ACSS3: variants seen among roughly 807,000 people sequenced by gnomAD.
ACSS3 encodes the protein acyl-CoA synthetase short chain family member 3, also known as acyl-CoA synthetase short-chain family member 3, mitochondrial.
Under a neutral mutation model 84.2 loss-of-function variants are expected in ACSS3, and 64 were observed. The observed-to-expected ratio is 0.76, with a 90% CI of 0.62 to 0.94. The LOEUF (loss-of-function observed/expected upper bound fraction) is 0.94, where lower values mean the gene tolerates loss of function less well. ACSS3 is among the 40% of genes least tolerant of loss of function. The probability of loss-of-function intolerance (pLI) is 0.00; values close to 1 mark genes in which losing one functional copy is unlikely to be tolerated. For synonymous variants in ACSS3, 317 were observed against 310.1 expected (o/e 1.02, Z -0.23); for missense variants, 815 against 867.6 (o/e 0.94, Z 0.76).
intron 8 of ACSS3, among the ~76,000 whole-genome samples, chr12:81,187,766 G>A (rs1362673315): frequency 6.6e-6 from 1 of 151,816 alleles, no homozygotes; most frequent in Admixed American, 6.6e-5. Context: ...TATCCCTCTG[G>A]TGCTTAGAAT....
At chr12:81,189,504 T>C (rs2031453980) in intron 8 of ACSS3, among the ~76,000 whole-genome samples, 1 of 152,162 alleles carries the variant, frequency 6.6e-6, no homozygotes, top group South Asian at 2.1e-4. Flanking sequence ...CATTGGAAGG[T>C]CCTCTTTTAT....
intron 2 of ACSS3, among the ~76,000 whole-genome samples, chr12:81,114,936 GA>G (rs1883911904): frequency 6.6e-6 from 1 of 152,080 alleles, no homozygotes; most frequent in South Asian, 2.1e-4. Context: ...GCCCCTACAT[GA>G]TTGCTATTCA....
At chr12:81,198,365 G>A (rs2031937284) in intron 8 of ACSS3, among the ~76,000 whole-genome samples, 3 of 152,108 alleles carry the variant, frequency 2.0e-5, no homozygotes, top group Admixed American at 2.0e-4. Context: ...GAAACAGAAT[G>A]TTATTGGAAC....
chr12:81,113,802 T>A (rs1883802330), intron 2 of ACSS3, among the ~76,000 whole-genome samples: 1 of 152,124 alleles, frequency 6.6e-6, no homozygotes, highest in African/African-American at 2.4e-5. Flanking sequence ...TAGTTCAAGA[T>A]GAATATATCC....
intron 12 of ACSS3, among the ~76,000 whole-genome samples, chr12:81,231,372 G>A (rs1297607527): frequency 6.6e-6 from 1 of 151,736 alleles, no homozygotes; most frequent in African/African-American, 2.4e-5. Context: ...TTTCTTAGCA[G>A]CTTTTCCTAG....
At chr12:81,102,045 G>GCA (rs68004924) in intron 1 of ACSS3, among the ~76,000 whole-genome samples, 79,312 of 148,924 alleles carry the variant, frequency 0.53, 21,855 homozygotes, top group Middle Eastern at 0.68. Flanking sequence ...TTATGCACAC[G>GCA]CACACACACA....
At chr12:81,218,460 A>G (rs1431309210) in intron 10 of ACSS3, among the ~76,000 whole-genome samples, 2 of 152,218 alleles carry the variant, frequency 1.3e-5, no homozygotes, top group Non-Finnish European at 2.9e-5. Context: ...GACAATGGCT[A>G]GTTACAAAAA....
At chr12:81,105,036 G>C (rs957381806) in intron 1 of ACSS3, among the ~76,000 whole-genome samples, 4 of 151,998 alleles carry the variant, frequency 2.6e-5, no homozygotes, top group Non-Finnish European at 5.9e-5. Flanking sequence ...TATAAGACCC[G>C]AGATGTCTAG....
chr12:81,177,334 A>G (rs1224338449), intron 8 of ACSS3, among the ~76,000 whole-genome samples: 1 of 152,194 alleles, frequency 6.6e-6, no homozygotes, highest in Non-Finnish European at 1.5e-5. Flanking sequence ...AGAGAAAAAA[A>G]TAAAAGGCAT....
chr12:81,105,198 C>T (rs775223662), intron 1 of ACSS3, among the ~76,000 whole-genome samples: 21 of 152,238 alleles, frequency 1.4e-4, no homozygotes, highest in Middle Eastern at 3.4e-3. Flanking sequence ...AAGCGGCCAT[C>T]ATAAAAGTGC....
chr12:81,148,702 T>C (rs1404728660), intron 5 of ACSS3, among the ~76,000 whole-genome samples: 1 of 151,996 alleles, frequency 6.6e-6, no homozygotes, highest in African/African-American at 2.4e-5. Flanking sequence ...ATTGGCAGGT[T>C]ACAGGGTTTT....
intron 11 of ACSS3, among the ~76,000 whole-genome samples, chr12:81,224,077 G>A (rs911522090): frequency 7.2e-5 from 11 of 151,846 alleles, no homozygotes; most frequent in African/African-American, 2.7e-4. Context: ...AATTCTCTAA[G>A]AGGACTCTCA....
intron 15 of ACSS3, among the ~76,000 whole-genome samples, chr12:81,254,537 AGGAGTAGTTAT>A (rs1215962636): frequency 6.6e-6 from 1 of 152,182 alleles, no homozygotes; most frequent in African/African-American, 2.4e-5. Context: ...TGCAACAGTA[AGGAGTAGTTAT>A]GTGAACAAGT....
At chr12:81,224,484 A>G (rs1356978633) in intron 11 of ACSS3, among the ~76,000 whole-genome samples, 1 of 151,220 alleles carries the variant, frequency 6.6e-6, no homozygotes, top group Non-Finnish European at 1.5e-5. Context: ...TTCTTTCCCC[A>G]TGTTTTCTTT....
At position 81,179,793 on chromosome 12, in the gene ACSS3, A is replaced by G. The variant is rs190160674; in HGVS notation, c.1250+4854A>G. Among the ~76,000 whole-genome samples the G allele has an allele frequency of 8.2e-3, 1,251 of 151,894 alleles. 13 individuals carry two copies. The highest frequency in any genetic ancestry group is 0.015 in the Admixed American group (227 of 15,274). On this transcript the variant is annotated intron_variant, in intron 8 of 15. Coordinates refer to ENST00000548058, the MANE Select transcript of ACSS3 (RefSeq NM_024560.4). ...GACTCCGTCTCAAAAAAAAAAAAAA[A>G]AAAAGGGCAAAGGACGTTGCATTAG...
At chr12:81,211,259 C>A (rs2032580183) in intron 9 of ACSS3, among the ~76,000 whole-genome samples, 1 of 152,098 alleles carries the variant, frequency 6.6e-6, no homozygotes, top group Non-Finnish European at 1.5e-5. Context: ...GGAATGCAGT[C>A]AGGAGCCTCT....
intron 9 of ACSS3, among the ~76,000 whole-genome samples, chr12:81,207,935 C>T (rs1034911376): frequency 1.3e-5 from 2 of 151,980 alleles, no homozygotes; most frequent in East Asian, 1.9e-4. Context: ...TCTCATAGCT[C>T]GAATTAATGG....
chr12:81,181,747 CAAAA>C (rs59878486), intron 8 of ACSS3, among the ~76,000 whole-genome samples: 15,960 of 47,822 alleles, frequency 0.33, 954 homozygotes, highest in East Asian at 0.48. Flanking sequence ...ATCAATTAAG[CAAAA>C]AAAAAAAAAA....
intron 13 of ACSS3, among the ~76,000 whole-genome samples, chr12:81,247,238 C>A (rs1565743116): frequency 6.6e-6 from 1 of 152,090 alleles, no homozygotes; most frequent in Non-Finnish European, 1.5e-5. Flanking sequence ...GAGATTACTT[C>A]CAATATTCAC....
Sources: gnomAD v4.1 joint callset for allele counts (sites outside exome capture counted in the v4.1 genomes callset) on GRCh38, gnomAD v4.1.1 for gene constraint, MANE v1.5 for transcripts, NCBI Gene and HGNC (gene_info 2026-07-23, HGNC 2026-07-21) for gene names.